Variants in NTNG1 observed in about 807,000 individuals in gnomAD.
NTNG1 encodes the protein netrin-G1.
Under a neutral mutation model 54.0 loss-of-function variants are expected in NTNG1, and 16 were observed. That is an observed-to-expected ratio of 0.30 (90% confidence interval 0.20 to 0.45). The LOEUF (loss-of-function observed/expected upper bound fraction) is 0.45. NTNG1 is among the 20% of genes least tolerant of loss of function. The pLI, the probability that NTNG1 is intolerant of heterozygous loss-of-function variation, is 1.00. For missense variants in NTNG1, 530 were observed against 678.7 expected (o/e 0.78, Z 2.43); for synonymous variants, 255 against 263.1 (o/e 0.97, Z 0.30).
rs1325215747 is a variant in NTNG1, at chr1:107,483,983, T to C, written c.*3143T>C. Reference sequence around the variant, plus strand: ...TGCTTAGAGAGACCCATTCTGACTCTCCTCCAGCTTTCTCCCAGATATCAG... The same window carrying C: ...TGCTTAGAGAGACCCATTCTGACTCCCCTCCAGCTTTCTCCCAGATATCAG... On this transcript the variant is annotated 3_prime_UTR_variant, in exon 8 of 8. Transcript: ENST00000370068. Among the ~76,000 whole-genome samples the C allele has an allele frequency of 6.6e-6, 1 of 152,180 alleles. No individual in the cohort carries two copies. The highest frequency in any genetic ancestry group is 1.5e-5 in the Non-Finnish European group (1 of 68,032).
At chr1:107,268,594 C>T (rs1663917630) in intron 2 of NTNG1, among the ~76,000 whole-genome samples, 1 of 151,960 alleles carries the variant, frequency 6.6e-6, no homozygotes, top group South Asian at 2.1e-4. Context: ...AAACCAGTCT[C>T]ATGGCTTTAA....
intron 2 of NTNG1, among the ~76,000 whole-genome samples, chr1:107,222,502 G>A (rs1032898785): frequency 9.2e-5 from 14 of 152,236 alleles, no homozygotes; most frequent in South Asian, 4.1e-4. Flanking sequence ...GTTTAGCAGA[G>A]TGCCTGTAAT....
intron 2 of NTNG1, among the ~76,000 whole-genome samples, chr1:107,229,391 G>A (rs985647639): frequency 1.3e-5 from 2 of 150,654 alleles, no homozygotes; most frequent in African/African-American, 4.9e-5. Context: ...AGGCCTTTTG[G>A]CTAAGATCAA....
chr1:107,462,294 A>G (rs1677327505), intron 7 of NTNG1, among the ~76,000 whole-genome samples: 1 of 152,182 alleles, frequency 6.6e-6, no homozygotes, highest in Admixed American at 6.5e-5. Flanking sequence ...ATGATCAGGA[A>G]AAATAGCAAA....
At chr1:107,391,452 A>G (rs970537563) in intron 3 of NTNG1, among the ~76,000 whole-genome samples, 3 of 152,222 alleles carry the variant, frequency 2.0e-5, no homozygotes, top group African/African-American at 7.2e-5. Context: ...GATTGTTGCT[A>G]GAACTGTATG....
chr1:107,336,623 T>C (rs1557910870), intron 3 of NTNG1, among the ~76,000 whole-genome samples: 1 of 151,962 alleles, frequency 6.6e-6, no homozygotes. Flanking sequence ...AATGGGTAAG[T>C]TGAACGTCAT....
intron 5 of NTNG1, chr1:107,408,519 A>T (rs966131906): frequency 3.3e-5 from 5 of 152,130 alleles, no homozygotes; most frequent in Non-Finnish European, 5.9e-5. Context: ...ATCATGGGAG[A>T]ACCAGGTGTA....
rs17018857 is a variant in NTNG1, at chr1:107,394,092, T to C, written c.888-1062T>C. Among the ~76,000 whole-genome samples the C allele has an allele frequency of 5.6e-3, 844 of 152,064 alleles. 12 individuals are homozygous for C. The highest frequency in any genetic ancestry group is 0.02 in the African/African-American group (815 of 41,504). The stretch of plus-strand genomic sequence containing the variant: ...TCTCTCTGGTTCTGATTCAGACCTA[T>C]CTTGGTTCTCTACCCCTGCCCAGGC... On this transcript the variant is annotated intron_variant, in intron 3 of 7. Coordinates refer to ENST00000370068, the MANE Select transcript of NTNG1 (RefSeq NM_001113226.3).
intron 2 of NTNG1, among the ~76,000 whole-genome samples, chr1:107,178,294 CTTT>C (rs547237456): frequency 3.3e-5 from 5 of 152,082 alleles, no homozygotes; most frequent in African/African-American, 1.2e-4. Flanking sequence ...CAGATAAATT[CTTT>C]TTTTCTTCAA....
intron 2 of NTNG1, among the ~76,000 whole-genome samples, chr1:107,200,198 C>T (rs1242407777): frequency 2.0e-5 from 3 of 151,628 alleles, no homozygotes; most frequent in Admixed American, 6.6e-5. Flanking sequence ...CTAATATTAA[C>T]ATTCATTCAT....
At chr1:107,140,779 A>G (rs1486488342), upstream of NTNG1, 1 of 152,094 alleles carries the variant, frequency 6.6e-6, no homozygotes, top group East Asian at 1.9e-4. Flanking sequence ...AGAGGAAAAA[A>G]AAAAGAAATA....
intron 2 of NTNG1, among the ~76,000 whole-genome samples, chr1:107,223,249 G>A (rs80188447): frequency 0.062 from 9,475 of 151,906 alleles, 407 homozygotes; most frequent in South Asian, 0.1. Context: ...AACACGCAGG[G>A]GTGTGTGTGT....
Position 107,480,784 on chromosome 1 carries a change from C to T in NTNG1, c.1564C>T (p.Pro522Ser), listed in dbSNP as rs756641025. ...SGQGAPPHGS[P>S]ALLLLTTLLG... ...CCAGGGCGCGCCCCCGCACGGCTCC[C>T]CAGCGCTGCTGCTGCTGACCACGCT... Residue 522 changes from proline (P) to serine (S), a missense_variant, in exon 8 of 8, where the codon CCA (proline) becomes TCA (serine). Pro to Ser is a moderately conservative substitution (Grantham distance 74). Transcript: ENST00000370068. 5 of 1,598,084 alleles carry T rather than the reference C, an allele frequency of 3.1e-6. No individual in the cohort carries two copies. Among genetic ancestry groups the T allele is most frequent in the Non-Finnish European group, 4.3e-6 (5 of 1,173,716 alleles).
At chr1:107,448,291 T>C (rs769812835) in intron 7 of NTNG1, among the ~76,000 whole-genome samples, 4 of 152,114 alleles carry the variant, frequency 2.6e-5, no homozygotes, top group African/African-American at 4.8e-5. Flanking sequence ...TATATGCTTG[T>C]CATGTACCAG....
intron 7 of NTNG1, among the ~76,000 whole-genome samples, chr1:107,437,799 T>A (rs1675700255): frequency 6.6e-6 from 1 of 152,192 alleles, no homozygotes; most frequent in African/African-American, 2.4e-5. Context: ...TTTTTTATTG[T>A]CTTTGAAGTC....
In NTNG1 at chr1:107,476,768, A is replaced by C. The variant is rs1050424613; in HGVS notation, c.1391-3843A>C. Among the ~76,000 whole-genome samples the C allele has an allele frequency of 3.9e-5, 6 of 152,090 alleles. No homozygotes were observed. In the South Asian group the frequency reaches 1.0e-3, roughly 26 times the overall value. On this transcript the variant is annotated intron_variant, in intron 7 of 7. Transcript: ENST00000370068. The stretch of plus-strand genomic sequence containing the variant: ...TCCTTTAAACACCACCCTCCTTCTA[A>C]GTCTTTGACAGCTTTCCATTCCTTA...
At chr1:107,288,994 G>A (rs889212753) in intron 2 of NTNG1, among the ~76,000 whole-genome samples, 1 of 152,062 alleles carries the variant, frequency 6.6e-6, no homozygotes, top group African/African-American at 2.4e-5. Context: ...TCTCTAGTCA[G>A]TTGTCTCTTC....
chr1:107,480,569 TCCCCG>T, intron 7 of NTNG1, 37 bp from the exon 8 acceptor site: 6 of 609,596 alleles, frequency 9.8e-6, no homozygotes, highest in Non-Finnish European at 3.1e-6. Context: ...CTGCTTCTCC[TCCCCG>T]CGCCCACCCA....
chr1:107,249,438 C>T (rs907576452), intron 2 of NTNG1, among the ~76,000 whole-genome samples: 8 of 146,396 alleles, frequency 5.5e-5, no homozygotes, highest in South Asian at 2.2e-4. Context: ...GCCGAGATGG[C>T]GCCATTGCAC....
Sources: allele counts gnomAD v4.1 joint callset (sites outside exome capture counted in the v4.1 genomes callset), GRCh38; gene constraint gnomAD v4.1.1; transcripts MANE v1.5; gene names NCBI Gene and HGNC (gene_info 2026-07-23, HGNC 2026-07-21).